The following COL4A6 variants were observed in gnomAD, a reference collection of about 807,000 sequenced individuals.
COL4A6 encodes the protein collagen type IV alpha 6 chain.
COL4A6 carries 59 observed loss-of-function variants against 126.7 expected under a neutral mutation model. The observed-to-expected ratio is 0.47, with a 90% CI of 0.38 to 0.58. The LOEUF is 0.58. COL4A6 is among the 20% of genes least tolerant of loss of function. COL4A6 has a pLI of 0.00. For synonymous variants in COL4A6, 547 were observed against 496.6 expected (o/e 1.10, Z -1.35); for missense variants, 1,285 against 1,337.3 (o/e 0.96, Z 0.61).
chrX:108,369,136 A>T (rs367887139), intron 2 of COL4A6, among the ~76,000 whole-genome samples: 1 of 111,810 alleles, frequency 8.9e-6, no homozygotes, highest in African/African-American at 3.3e-5. Context: ...AGCTTTGTTT[A>T]CACCAACATC....
intron 2 of COL4A6, among the ~76,000 whole-genome samples, chrX:108,436,526 CTT>C (rs1480114202): frequency 2.7e-5 from 3 of 112,599 alleles, no homozygotes; most frequent in Non-Finnish European, 3.8e-5. Flanking sequence ...ATGCATGACA[CTT>C]TTACAAGTGG....
At chrX:108,157,927 C>T (rs1409432751) in intron 44 of COL4A6, among the ~76,000 whole-genome samples, 1 of 111,847 alleles carries the variant, frequency 8.9e-6, no homozygotes, top group Non-Finnish European at 1.9e-5. Context: ...TCATCTGGAC[C>T]ACAAGGAGAT....
At chrX:108,275,346 A>G (rs903056066) in intron 3 of COL4A6, among the ~76,000 whole-genome samples, 1 of 111,923 alleles carries the variant, frequency 8.9e-6, no homozygotes, top group Non-Finnish European at 1.9e-5. Context: ...CCTTCAAGCA[A>G]TCCTATATTC....
At chrX:108,390,855 C>A (rs1447185342) in intron 2 of COL4A6, among the ~76,000 whole-genome samples, 1 of 111,349 alleles carries the variant, frequency 9.0e-6, no homozygotes, top group Non-Finnish European at 1.9e-5. Context: ...GGTTTCTCTC[C>A]ATCTTCGTGG....
At chrX:108,206,418 G>C (rs1463451407) in intron 9 of COL4A6, 100 bp downstream of exon 9, 1 of 898,596 alleles carries the variant, frequency 1.1e-6, no homozygotes, top group Non-Finnish European at 1.6e-6. Context: ...TGCTCACCCA[G>C]GAGGACCTAA....
chrX:108,224,820 G>T (rs909664707), intron 3 of COL4A6, among the ~76,000 whole-genome samples: 10 of 111,237 alleles, frequency 9.0e-5, no homozygotes, highest in Non-Finnish European at 1.3e-4. Flanking sequence ...AATCAGTGGT[G>T]AATTCCTTTC....
chrX:108,187,770 T>A, intron 22 of COL4A6, 78 bp downstream of exon 22: 1 of 982,072 alleles, frequency 1.0e-6, no homozygotes, highest in Non-Finnish European at 1.4e-6. Flanking sequence ...TGTTTCATGG[T>A]CCAGTGGCCA....
chrX:108,353,019 G>A (rs1371079726), intron 2 of COL4A6, among the ~76,000 whole-genome samples: 1 of 112,287 alleles, frequency 8.9e-6, no homozygotes, highest in Non-Finnish European at 1.9e-5. Context: ...CAGAATGACA[G>A]GACACTGTTT....
chrX:108,433,062 G>A (rs973646468), intron 2 of COL4A6, among the ~76,000 whole-genome samples: 1 of 111,202 alleles, frequency 9.0e-6, no homozygotes, highest in Non-Finnish European at 1.9e-5. Flanking sequence ...AGGGTAAGTG[G>A]TTGGTGATGA....
At chrX:108,161,809 T>C in intron 41 of COL4A6, 74 bp from the exon 42 acceptor site, 2 of 655,079 alleles carry the variant, frequency 3.1e-6, no homozygotes, top group Non-Finnish European at 4.9e-6. Flanking sequence ...GAAAGGGGAC[T>C]TATGTGTCAT....
chrX:108,200,581 C>T (rs2035360954), intron 13 of COL4A6, among the ~76,000 whole-genome samples: 1 of 111,116 alleles, frequency 9.0e-6, no homozygotes, highest in Admixed American at 9.6e-5. Context: ...TGAATAATAC[C>T]AGTGGCTGGA....
intron 3 of COL4A6, among the ~76,000 whole-genome samples, chrX:108,273,360 G>A (rs376852263): frequency 0.03 from 3,253 of 109,759 alleles, 116 homozygotes; most frequent in African/African-American, 0.1. Flanking sequence ...TGGAGAAATA[G>A]GAACACTTTT....
At position 108,238,034 on chromosome X, in the gene COL4A6, A is replaced by ATATCTATCTATC. The variant is rs59088315; in HGVS notation, c.145-16672_145-16661dup. On this transcript the variant is annotated intron_variant, in intron 3 of 44. Transcript: ENST00000334504. ...TCTGTCATCTACCTATCACCTCTCTATATCTATCTATCTATCTATCTATCT... is the reference window on the plus strand; with the variant it reads ...TCTGTCATCTACCTATCACCTCTCTATATCTATCTATCTATCTATCTATCTATCTATCTATCT... Among the ~76,000 whole-genome samples the ATATCTATCTATC allele has an allele frequency of 9.8e-4, 85 of 86,491 alleles. 1 individual carries two copies. The highest frequency in any genetic ancestry group is 2.5e-3 in the African/African-American group (56 of 22,367). 75.1% of individuals were successfully genotyped at this position (86,491 alleles called of 115,157 possible).
intron 2 of COL4A6, among the ~76,000 whole-genome samples, chrX:108,314,829 G>A (rs985330849): frequency 5.4e-5 from 6 of 112,044 alleles, no homozygotes. Flanking sequence ...GAGTTTGATT[G>A]GAGGACTCAA....
At chrX:108,206,294 G>A in intron 9 of COL4A6, 1 of 518,850 alleles carries the variant, frequency 1.9e-6, no homozygotes, top group Non-Finnish European at 3.5e-6. Flanking sequence ...TTGAGCTAGG[G>A]TGGGAGGCTT....
chrX:108,404,547 T>C (rs2041164784), intron 2 of COL4A6, among the ~76,000 whole-genome samples: 1 of 112,140 alleles, frequency 8.9e-6, no homozygotes, highest in Non-Finnish European at 1.9e-5. Context: ...ATGTGTTATA[T>C]GTGATCAGTG....
rs2036741707 is a variant in COL4A6 at position 108,247,350 on chromosome X, C to T, written c.145-25976G>A. 1.2e-4 allele frequency among the ~76,000 whole-genome samples: 13 copies of T among 111,827 alleles called. No homozygotes were observed. The Admixed American group carries it at 1.2e-3, about 11-fold the overall frequency. On this transcript the variant is annotated intron_variant, in intron 3 of 44. Coordinates refer to ENST00000334504, the MANE Select transcript of COL4A6 (RefSeq NM_033641.4). ...TTGATATAAAGCACTTAGAACAACG[C>T]CTAGTGCATAAGTGTTTACTATTTT...
chrX:108,432,424 T>C (rs2064188990), intron 2 of COL4A6, among the ~76,000 whole-genome samples: 1 of 112,701 alleles, frequency 8.9e-6, no homozygotes, highest in South Asian at 3.6e-4. Flanking sequence ...TAAAATTACT[T>C]TTTCCAGAAT....
rs971405022 is a variant in COL4A6, at chrX:108,339,264, C to T, written c.64-28436G>A. On this transcript the variant is annotated intron_variant, in intron 2 of 44. Coordinates refer to ENST00000334504, the MANE Select transcript of COL4A6 (RefSeq NM_033641.4). Reference sequence around the variant, plus strand: ...GAATCCCACATCACATTCCTGCTGGCTTTTAAGTTTATAGAAATAACTCTA... The same window carrying T: ...GAATCCCACATCACATTCCTGCTGGTTTTTAAGTTTATAGAAATAACTCTA... Among the ~76,000 whole-genome samples the T allele has an allele frequency of 3.6e-5, 4 of 112,410 alleles. No homozygotes were observed. In the East Asian group the frequency reaches 1.1e-3, roughly 31 times the overall value.
Sources: gnomAD v4.1 joint callset for allele counts (sites outside exome capture counted in the v4.1 genomes callset) on GRCh38, gnomAD v4.1.1 for gene constraint, MANE v1.5 for transcripts, NCBI Gene and HGNC (gene_info 2026-07-23, HGNC 2026-07-21) for gene names.